TENM3: variants seen among roughly 807,000 people sequenced by gnomAD.
TENM3 encodes teneurin transmembrane protein 3.
TENM3 carries 63 observed loss-of-function variants against 255.1 expected under a neutral mutation model. The ratio of observed to expected loss-of-function variants is 0.25; its 90% CI spans 0.20 to 0.30. The LOEUF is 0.30. Ranked by LOEUF, TENM3 falls within the 10% of genes least tolerant of loss-of-function variation. The pLI is 1.00. For synonymous variants in TENM3, 1,306 were observed against 1,322.3 expected, an observed-to-expected ratio of 0.99 and a Z score of 0.27; for missense variants, 2,929 against 3,461.1, an observed-to-expected ratio of 0.85 and a Z score of 3.86.
the TENM3 span, among the ~76,000 whole-genome samples, chr4:181,488,046 T>G: frequency 6.6e-6 from 1 of 152,210 alleles, no homozygotes; most frequent in Non-Finnish European, 1.5e-5. Flanking sequence ...GTGGATTATT[T>G]CAGAGATTCT....
the TENM3 span, among the ~76,000 whole-genome samples, chr4:181,593,215 G>A: frequency 6.6e-6 from 1 of 152,088 alleles, no homozygotes; most frequent in African/African-American, 2.4e-5. Flanking sequence ...TTTTGTTTTA[G>A]TTGCAGAGTT....
chr4:182,161,689 A>AT (rs1751232724), intron 1 of TENM3, among the ~76,000 whole-genome samples: 1 of 109,132 alleles, frequency 9.2e-6, no homozygotes, highest in African/African-American at 3.5e-5. Flanking sequence ...ATATATACAC[A>AT]AATATATATG....
the TENM3 span, among the ~76,000 whole-genome samples, chr4:182,065,085 A>G: frequency 6.9e-6 from 1 of 145,060 alleles, no homozygotes; most frequent in Non-Finnish European, 1.5e-5. Flanking sequence ...CCCAGGCTGG[A>G]GTGCAGTGGT....
the TENM3 span, among the ~76,000 whole-genome samples, chr4:181,739,359 C>T: frequency 1.3e-5 from 2 of 152,156 alleles, no homozygotes; most frequent in Non-Finnish European, 2.9e-5. Flanking sequence ...GAACTGGTGC[C>T]CCTTGTATTG....
the TENM3 span, among the ~76,000 whole-genome samples, chr4:181,713,008 T>G: frequency 6.6e-6 from 1 of 152,216 alleles, no homozygotes; most frequent in African/African-American, 2.4e-5. Flanking sequence ...ATCATCACTA[T>G]GAACATTCAC....
chr4:181,950,038 C>A, the TENM3 span, among the ~76,000 whole-genome samples: 1 of 152,172 alleles, frequency 6.6e-6, no homozygotes, highest in Non-Finnish European at 1.5e-5. Flanking sequence ...CACGTATATA[C>A]GCAGATGGCC....
chr4:181,979,103 T>C, the TENM3 span, among the ~76,000 whole-genome samples: 3 of 4,398 alleles, frequency 6.8e-4, no homozygotes, highest in Non-Finnish European at 1.7e-3. Flanking sequence ...CTGACATATA[T>C]ATATATATAT....
At chr4:182,746,059 C>T (rs574482422) in intron 19 of TENM3, among the ~76,000 whole-genome samples, 24 of 152,216 alleles carry the variant, frequency 1.6e-4, no homozygotes, top group African/African-American at 5.1e-4. Context: ...AATCAATCAG[C>T]GTTAACTGAT....
chr4:181,963,776 T>C, the TENM3 span, among the ~76,000 whole-genome samples: 1 of 152,072 alleles, frequency 6.6e-6, no homozygotes, highest in Admixed American at 6.6e-5. Flanking sequence ...ACTTAATGGG[T>C]GCTTGTTATA....
At chr4:182,735,605 TGATA>T (rs1761102831) in intron 16 of TENM3, among the ~76,000 whole-genome samples, 1 of 152,202 alleles carries the variant, frequency 6.6e-6, no homozygotes, top group Non-Finnish European at 1.5e-5. Flanking sequence ...TAGTGAATCT[TGATA>T]GGGCAATATA....
chr4:182,303,611 C>G (rs999925581), intron 1 of TENM3, among the ~76,000 whole-genome samples: 4 of 152,132 alleles, frequency 2.6e-5, no homozygotes, highest in African/African-American at 9.7e-5. Flanking sequence ...TAGCTGTCTA[C>G]TTAACAGGTG....
At chr4:182,509,728 G>A (rs1189476002) in intron 3 of TENM3, among the ~76,000 whole-genome samples, 1 of 151,818 alleles carries the variant, frequency 6.6e-6, no homozygotes, top group East Asian at 1.9e-4. Flanking sequence ...ACCTGAAGTT[G>A]GGAGTTCAAG....
At chr4:182,288,267 C>T (rs1052991327) in intron 1 of TENM3, among the ~76,000 whole-genome samples, 2 of 152,062 alleles carry the variant, frequency 1.3e-5, no homozygotes, top group Non-Finnish European at 2.9e-5. Flanking sequence ...GACAGGGTCT[C>T]TCTATGTTGT....
the TENM3 span, among the ~76,000 whole-genome samples, chr4:182,070,121 G>A: frequency 5.3e-4 from 80 of 152,300 alleles, 1 homozygote; most frequent in Non-Finnish European, 9.0e-4. Flanking sequence ...AATTCCAGGT[G>A]TCTGAATTTC....
intron 1 of TENM3, among the ~76,000 whole-genome samples, chr4:182,267,620 A>G (rs1051798269): frequency 2.0e-5 from 3 of 152,028 alleles, no homozygotes; most frequent in Non-Finnish European, 2.9e-5. Context: ...CCCAATTCAC[A>G]GATATTGGAG....
chr4:182,321,109 A>G (rs537188664), intron 1 of TENM3, among the ~76,000 whole-genome samples: 2 of 152,278 alleles, frequency 1.3e-5, no homozygotes, highest in African/African-American at 4.8e-5. Flanking sequence ...ATGATCATTT[A>G]GTTTTCGGTC....
the TENM3 span, among the ~76,000 whole-genome samples, chr4:181,776,732 G>T: frequency 1.3e-5 from 2 of 152,004 alleles, no homozygotes; most frequent in Non-Finnish European, 2.9e-5. Context: ...TTTGAGAAAT[G>T]TCTATTCAAG....
intron 3 of TENM3, among the ~76,000 whole-genome samples, chr4:182,583,294 G>A (rs1745682300): frequency 6.6e-6 from 1 of 151,440 alleles, no homozygotes; most frequent in African/African-American, 2.4e-5. Context: ...AAGCATGACA[G>A]CATTCAAGAC....
the TENM3 span, among the ~76,000 whole-genome samples, chr4:181,879,812 T>A: frequency 6.6e-6 from 1 of 152,188 alleles, no homozygotes; most frequent in Non-Finnish European, 1.5e-5. Context: ...TGGCACTTCG[T>A]TGATTGCTCA....
Sources: gnomAD v4.1 joint callset for allele counts (sites outside exome capture counted in the v4.1 genomes callset) on GRCh38, gnomAD v4.1.1 for gene constraint, MANE v1.5 for transcripts, NCBI Gene and HGNC (gene_info 2026-07-23, HGNC 2026-07-21) for gene names.